The following ZMAT4 variants were observed in gnomAD, a reference collection of about 807,000 sequenced individuals.
The protein encoded by ZMAT4 is zinc finger matrin-type protein 4.
ZMAT4 carries 17 observed loss-of-function variants against 28.7 expected under a neutral mutation model. The ratio of observed to expected loss-of-function variants is 0.59; its 90% CI spans 0.41 to 0.89. The LOEUF (loss-of-function observed/expected upper bound fraction) is 0.89. Ranked by LOEUF, ZMAT4 falls within the 40% of genes least tolerant of loss-of-function variation. The pLI, the probability that ZMAT4 is intolerant of heterozygous loss-of-function variation, is 0.00. For missense variants in ZMAT4, 240 were observed against 283.8 expected (o/e 0.85, Z 1.11); for synonymous variants, 117 against 109.2 (o/e 1.07, Z -0.44).
intron 1 of ZMAT4, among the ~76,000 whole-genome samples, chr8:40,855,648 G>T (rs1183324741): frequency 6.6e-6 from 1 of 151,180 alleles, no homozygotes; most frequent in Non-Finnish European, 1.5e-5. Flanking sequence ...TGTTCCACCA[G>T]CATTTGGTGT....
chr8:40,840,981 G>A (rs1055169762), intron 1 of ZMAT4, among the ~76,000 whole-genome samples: 2 of 152,160 alleles, frequency 1.3e-5, no homozygotes, highest in Non-Finnish European at 1.5e-5. Context: ...TGGCACCCGG[G>A]GGAGTTCTTC....
intron 2 of ZMAT4, among the ~76,000 whole-genome samples, chr8:40,795,534 G>T (rs925312294): frequency 6.6e-6 from 1 of 152,178 alleles, no homozygotes; most frequent in Non-Finnish European, 1.5e-5. Context: ...AATTTAGTAT[G>T]ACACCTGCTT....
chr8:40,876,120 G>A (rs1395222072), intron 1 of ZMAT4, among the ~76,000 whole-genome samples: 1 of 152,088 alleles, frequency 6.6e-6, no homozygotes, highest in Non-Finnish European at 1.5e-5. Flanking sequence ...AAGAAATACA[G>A]TTGACCTTTG....
At chr8:40,593,695 C>T (rs1402454310) in intron 5 of ZMAT4, among the ~76,000 whole-genome samples, 1 of 152,148 alleles carries the variant, frequency 6.6e-6, no homozygotes, top group Non-Finnish European at 1.5e-5. Context: ...AACTAGGACT[C>T]GACGTTGAGT....
At chr8:40,896,132 C>T (rs375559000) in intron 1 of ZMAT4, among the ~76,000 whole-genome samples, 1 of 151,992 alleles carries the variant, frequency 6.6e-6, no homozygotes, top group African/African-American at 2.4e-5. Context: ...AATCACAGTT[C>T]CCACCCAAAA....
chr8:40,652,225 C>G (rs1807698794), intron 5 of ZMAT4, among the ~76,000 whole-genome samples: 1 of 121,884 alleles, frequency 8.2e-6, no homozygotes, highest in African/African-American at 2.8e-5. Flanking sequence ...TGAACTCAAA[C>G]AAATTTACAA....
At chr8:40,693,239 C>T (rs1042780381) in intron 4 of ZMAT4, among the ~76,000 whole-genome samples, 1 of 152,154 alleles carries the variant, frequency 6.6e-6, no homozygotes, top group African/African-American at 2.4e-5. Flanking sequence ...ACCTCAGCCT[C>T]CCAAGGAGCT....
At chr8:40,828,000 C>T (rs973039017) in intron 1 of ZMAT4, among the ~76,000 whole-genome samples, 5 of 152,184 alleles carry the variant, frequency 3.3e-5, no homozygotes, top group Non-Finnish European at 7.3e-5. Context: ...CTTCCAAGTC[C>T]TACCCAGCCT....
At chr8:40,869,456 G>C (rs1444637445) in intron 1 of ZMAT4, among the ~76,000 whole-genome samples, 2 of 152,208 alleles carry the variant, frequency 1.3e-5, no homozygotes, top group Non-Finnish European at 2.9e-5. Flanking sequence ...CCTCCAGCCT[G>C]CCAGGCACTA....
intron 3 of ZMAT4, among the ~76,000 whole-genome samples, chr8:40,764,201 A>G (rs1586014473): frequency 6.6e-6 from 1 of 152,216 alleles, no homozygotes; most frequent in African/African-American, 2.4e-5. Flanking sequence ...GCAATTGACC[A>G]TAACAATTTA....
At chr8:40,819,130 A>T (rs1364559161) in intron 2 of ZMAT4, among the ~76,000 whole-genome samples, 1 of 152,084 alleles carries the variant, frequency 6.6e-6, no homozygotes, top group African/African-American at 2.4e-5. Flanking sequence ...AAACAGAAAA[A>T]ATATACATGT....
chr8:40,860,066 C>T (rs914783877), intron 1 of ZMAT4, among the ~76,000 whole-genome samples: 8 of 152,200 alleles, frequency 5.3e-5, no homozygotes, highest in Admixed American at 2.0e-4. Flanking sequence ...GAGAGCTGTG[C>T]CTGGAGCAAG....
chr8:40,640,759 AGAGCAGCCTAGCCAACATG>A (rs1806986575), intron 5 of ZMAT4, among the ~76,000 whole-genome samples: 1 of 152,060 alleles, frequency 6.6e-6, no homozygotes, highest in Non-Finnish European at 1.5e-5. Flanking sequence ...CAGGAGTTCA[AGAGCAGCCTAGCCAACATG>A]GTGAAACTCC....
chr8:40,532,172 AC>A lies in ZMAT4; in HGVS notation c.*50del, dbSNP rs1359491988. 6.5e-7 allele frequency: 1 copy of A among 1,534,470 alleles called. No individual in the cohort carries two copies. Among genetic ancestry groups the A allele is most frequent in the Non-Finnish European group, 8.8e-7 (1 of 1,136,424 alleles). ...TCTGGTGGTTGATAAGCAATTCTCC[AC>A]GGCAGAGAAATGCTAATGTTTTGTT... On this transcript the variant is annotated 3_prime_UTR_variant, in exon 7 of 7. Transcript: ENST00000297737.
intron 2 of ZMAT4, among the ~76,000 whole-genome samples, chr8:40,820,387 G>A (rs551885922): frequency 6.7e-6 from 1 of 149,424 alleles, no homozygotes; most frequent in Non-Finnish European, 1.5e-5. Flanking sequence ...GGTGTGTAGA[G>A]GTGTTTGTGT....
intron 1 of ZMAT4, among the ~76,000 whole-genome samples, chr8:40,893,056 TTCTG>T (rs1818748687): frequency 6.6e-6 from 1 of 152,220 alleles, no homozygotes; most frequent in Admixed American, 6.5e-5. Flanking sequence ...CTGCTGCAAT[TTCTG>T]TCTATTTTCT....
chr8:40,572,186 TG>T (rs1804120869), intron 6 of ZMAT4, among the ~76,000 whole-genome samples: 1 of 152,304 alleles, frequency 6.6e-6, no homozygotes, highest in South Asian at 2.1e-4. Context: ...ATGCTGAATG[TG>T]GGAAGCGAAT....
At chr8:40,896,973 CT>C (rs34824153) in intron 1 of ZMAT4, among the ~76,000 whole-genome samples, 4,996 of 139,104 alleles carry the variant, frequency 0.036, 113 homozygotes, top group South Asian at 0.079. Flanking sequence ...TTGGCTTTTT[CT>C]TTTTTTTTTT....
chr8:40,794,704 T>C (rs1814512005), intron 2 of ZMAT4, among the ~76,000 whole-genome samples: 3 of 152,108 alleles, frequency 2.0e-5, no homozygotes, highest in Admixed American at 2.0e-4. Flanking sequence ...TAACTCTCCT[T>C]TCCCCAGTGG....
Sources: gnomAD v4.1 joint callset for allele counts (sites outside exome capture counted in the v4.1 genomes callset) on GRCh38, gnomAD v4.1.1 for gene constraint, MANE v1.5 for transcripts, NCBI Gene and HGNC (gene_info 2026-07-23, HGNC 2026-07-21) for gene names.